The following GOLGA2 variants were observed in gnomAD, a reference collection of about 807,000 sequenced individuals.
GOLGA2 encodes golgin subfamily A member 2.
A neutral mutation model predicts 148.8 loss-of-function variants in GOLGA2; 49 were observed. The observed-to-expected ratio is 0.33, with a 90% CI of 0.26 to 0.42. The LOEUF is 0.42. Among genes scored for constraint, GOLGA2 ranks in the 10% least tolerant of loss-of-function variants. GOLGA2 has a pLI of 1.00. For missense variants in GOLGA2, 1,178 were observed against 1,304.6 expected, an observed-to-expected ratio of 0.90 and a Z score of 1.49; for synonymous variants, 501 against 511.8, an observed-to-expected ratio of 0.98 and a Z score of 0.28.
At chr9:128,262,174 G>A (rs1458616640) in intron 14 of GOLGA2, among the ~76,000 whole-genome samples, 2 of 146,192 alleles carry the variant, frequency 1.4e-5, no homozygotes, top group Non-Finnish European at 3.0e-5. Context: ...GTGATAGAGC[G>A]AGACCCCGTC....
In GOLGA2 at chr9:128,266,379, C is replaced by G; in HGVS notation, c.643-54G>C. 3 of 1,512,962 alleles carry G rather than the reference C, an allele frequency of 2.0e-6. No individual in the cohort carries two copies. The allele number at this position is 1,512,962 out of a possible 1,614,324, so 93.7% of individuals were successfully genotyped here. A position where few individuals can be genotyped will look rare whatever the true frequency, so the allele number is the denominator to read the frequency against. ...TGAGGGTGGCCCCCTCAACTCTATT[C>G]CCCAGACCAGGAACGGGTAGGCAGG... On this transcript the variant is annotated intron_variant, in intron 8 of 26. Coordinates refer to ENST00000611957, the MANE Select transcript of GOLGA2 (RefSeq NM_001366244.2). This position sits in a 1 kb window ranked among gnomAD's most constrained non-coding sequence, Gnocchi z 4.2.
chr9:128,258,292 G>T lies in GOLGA2; in HGVS notation c.2290-94C>A, dbSNP rs1304267046. The T allele has an allele frequency of 7.7e-6, 9 of 1,165,690 alleles. No individual in the cohort carries two copies. Among genetic ancestry groups the T allele is most frequent in the Non-Finnish European group, 1.1e-5 (9 of 804,874 alleles). 72.2% of individuals were successfully genotyped at this position (1,165,690 alleles called of 1,614,324 possible). A position where few individuals can be genotyped will look rare whatever the true frequency, so the allele number is the denominator to read the frequency against. On this transcript the variant is annotated intron_variant, in intron 22 of 26. Transcript: ENST00000611957. This position sits in a 1 kb window ranked among gnomAD's most constrained non-coding sequence, Gnocchi z 6.6. ...AGCCCTTCCCTTGGGGCCTCAGAGG[G>T]TGCACTTGTTGGTCCCAAGTGAAAT... is the stretch of plus-strand genomic sequence containing the variant.
In GOLGA2 at chr9:128,267,899, C is replaced by A. The variant is rs778054534; in HGVS notation, c.501+35G>T. The A allele has an allele frequency of 7.2e-6, 11 of 1,523,220 alleles. No individual in the cohort carries two copies. In the Admixed American group the frequency reaches 1.7e-4, roughly 23 times the overall value. 94.4% of individuals were successfully genotyped at this position (1,523,220 alleles called of 1,614,324 possible). On this transcript the variant is annotated intron_variant, in intron 6 of 26. Transcript: ENST00000611957. ...TCAGTTTCTATCATAGTTCCCTTCC[C>A]CCCACCCCGCTCTCGGCCTCAGTTC...
At position 128,258,942 on chromosome 9, in the gene GOLGA2, A is replaced by C; in HGVS notation, c.2173+65T>G. On this transcript the variant is annotated intron_variant, in intron 21 of 26. Transcript: ENST00000611957. The surrounding 1 kb of genome is among the most constrained non-coding windows in gnomAD (Gnocchi z 6.6). ...AGGTCTCTTCCAACTCCTCAATTCT[A>C]CGCTGCTAACAGTCCCCCCTTCTTC... The C allele has an allele frequency of 9.4e-7, 1 of 1,068,826 alleles. No homozygotes were observed. Among genetic ancestry groups the C allele is most frequent in the East Asian group, 2.4e-5 (1 of 42,532 alleles). 66.2% of individuals were successfully genotyped at this position (1,068,826 alleles called of 1,614,324 possible).
intron 12 of GOLGA2, among the ~76,000 whole-genome samples, chr9:128,263,762 C>T (rs1830421071): frequency 6.6e-6 from 1 of 151,852 alleles, no homozygotes; most frequent in African/African-American, 2.4e-5. Context: ...ACATGTTGGC[C>T]AGGCTGGTCT....
At position 128,257,527 on chromosome 9, in the gene GOLGA2, TGGAG is replaced by T. The variant is rs1564361550; in HGVS notation, c.2719-6_2719-3del. 2 of 1,614,100 alleles carry T rather than the reference TGGAG, an allele frequency of 1.2e-6. No individual in the cohort carries two copies. Among genetic ancestry groups the T allele is most frequent in the East Asian group, 2.2e-5 (1 of 44,888 alleles). On this transcript the variant is annotated splice_polypyrimidine_tract_variant and splice_region_variant and intron_variant, in intron 25 of 26. Transcript: ENST00000611957. The surrounding 1 kb of genome is among the most constrained non-coding windows in gnomAD (Gnocchi z 8.0). ...CTCCTGCAGCTCCAGCAGCTTCACC[TGGAG>T]GGAGGGGTGCTAAGCTGCCATGCCC... is the stretch of plus-strand genomic sequence containing the variant.
chr9:128,266,150 TG>T lies in GOLGA2; in HGVS notation c.682-131del. On this transcript the variant is annotated intron_variant, in intron 9 of 26. Transcript: ENST00000611957. The surrounding 1 kb of genome is among the most constrained non-coding windows in gnomAD (Gnocchi z 4.2). ...TGGGACCAGGTTATCAGGGACCCTG[TG>T]GGGATGGGGTGGAATCTGGGGGGGT... is the stretch of plus-strand genomic sequence containing the variant. 7.3e-7 allele frequency: 1 copy of T among 1,363,194 alleles called. No homozygotes were observed. The highest frequency in any genetic ancestry group is 1.1e-6 in the Non-Finnish European group (1 of 952,192). 84.4% of individuals were successfully genotyped at this position (1,363,194 alleles called of 1,614,324 possible). A position where few individuals can be genotyped will look rare whatever the true frequency, so the allele number is the denominator to read the frequency against.
At position 128,258,111 on chromosome 9, in the gene GOLGA2, G is replaced by T; in HGVS notation, c.2377C>A (p.Arg793=). The T allele has an allele frequency of 1.9e-6, 3 of 1,609,312 alleles. No homozygotes were observed. Among genetic ancestry groups the T allele is most frequent in the Non-Finnish European group, 1.7e-6 (2 of 1,179,546 alleles). The stretch of plus-strand genomic sequence containing the variant: ...GAGGCCAGCAGGTGAGCCAGGCGCC[G>T]GCAGCGCACCCTTTGCTCCTTCAGC... The part of the protein sequence containing the change: ...GQLKEQRVRC[R]RLAHLLASAQ... Residue 793 remains arginine, a synonymous_variant, in exon 23 of 27, where the codon CGG becomes AGG. Transcript: ENST00000611957. This position sits in a 1 kb window ranked among gnomAD's most constrained non-coding sequence, Gnocchi z 6.6.
rs747574825 is a variant in GOLGA2 at position 128,260,461 on chromosome 9, G to A, written c.1758+4C>T. On this transcript the variant is annotated splice_donor_region_variant and intron_variant, in intron 18 of 26. Transcript: ENST00000611957. This position sits in a 1 kb window ranked among gnomAD's most constrained non-coding sequence, Gnocchi z 4.8. ...GGGCGGGCTCTCCAGGTGGGGCAGC[G>A]CACCAGCTTTACAAATCCGCTCTGC... The A allele has an allele frequency of 2.2e-5, 36 of 1,604,540 alleles. No homozygotes were observed. Among genetic ancestry groups the A allele is most frequent in the Admixed American group, 1.2e-4 (7 of 59,820 alleles).
At position 128,261,572 on chromosome 9, in the gene GOLGA2, G is replaced by T; in HGVS notation, c.1225-11C>A. ...AACCGACTCCATTACCTGCAAGAAT[G>T]GCCACAGAAATGAGGAAGGACTGTC... On this transcript the variant is annotated splice_polypyrimidine_tract_variant and intron_variant, in intron 15 of 26. Transcript: ENST00000611957. The surrounding 1 kb of genome is among the most constrained non-coding windows in gnomAD (Gnocchi z 5.7). 6.4e-7 allele frequency: 1 copy of T among 1,563,162 alleles called. No homozygotes were observed. The highest frequency in any genetic ancestry group is 8.8e-7 in the Non-Finnish European group (1 of 1,133,490).
chr9:128,262,036 T>G, intron 14 of GOLGA2: 1 of 418,304 alleles, frequency 2.4e-6, no homozygotes, highest in East Asian at 4.8e-5. Context: ...AAGCCCCGTA[T>G]CTACAAATAC....
rs1564364162 is a variant in GOLGA2 at position 128,261,155 on chromosome 9, C to A, written c.1420+17G>T. The stretch of plus-strand genomic sequence containing the variant: ...TGACACCATTCCTGCTCCCAGGTCA[C>A]CCCAGCCCCAGCTTACCCATCTGGT... On this transcript the variant is annotated intron_variant, in intron 17 of 26. Transcript: ENST00000611957. The surrounding 1 kb of genome is among the most constrained non-coding windows in gnomAD (Gnocchi z 5.7). 1.9e-6 allele frequency: 3 copies of A among 1,574,472 alleles called. No individual in the cohort carries two copies. The highest frequency in any genetic ancestry group is 2.2e-5 in the East Asian group (1 of 44,706).
intron 12 of GOLGA2, among the ~76,000 whole-genome samples, chr9:128,264,554 G>C (rs1194629574): frequency 1.3e-5 from 2 of 152,082 alleles, no homozygotes; most frequent in African/African-American, 4.8e-5. Flanking sequence ...AGCCTCCCAA[G>C]TAGCTGCAAT....
rs757840295 is a variant in GOLGA2 at position 128,261,515 on chromosome 9, G to A, written c.1271C>T (p.Ala424Val). The stretch of plus-strand genomic sequence containing the variant: ...GGCGCTCTCTCCTTTGAGATTCTCC[G>A]CATATTTATCTCTCTCCATTTGTAG... ...RQLQMERDKY[A>V]ENLKGESAMW... The change falls in exon 16 of 27, where the codon GCG becomes GTG. Residue 424 changes from alanine (A) to valine (V), a missense_variant. Physicochemically the swap from Ala to Val is moderately conservative, Grantham distance 64. Transcript: ENST00000611957. The surrounding 1 kb of genome is among the most constrained non-coding windows in gnomAD (Gnocchi z 5.7). 1.9e-5 allele frequency: 30 copies of A among 1,610,808 alleles called. No individual in the cohort carries two copies. Among genetic ancestry groups the A allele is most frequent in the South Asian group, 2.2e-5 (2 of 91,022 alleles).
At chr9:128,274,151 A>T (rs987894002) in intron 1 of GOLGA2, among the ~76,000 whole-genome samples, 179 bp from the exon 2 acceptor site, 9 of 152,194 alleles carry the variant, frequency 5.9e-5, no homozygotes, top group Non-Finnish European at 1.0e-4. Context: ...GGCTTAAAAA[A>T]GGCAAGAATT....
intron 12 of GOLGA2, among the ~76,000 whole-genome samples, chr9:128,264,696 G>A (rs1333255121): frequency 6.6e-6 from 1 of 152,056 alleles, no homozygotes; most frequent in Non-Finnish European, 1.5e-5. Context: ...CCAAAGTGCT[G>A]GGATTACAGG....
chr9:128,258,527 C>CTCCTCCTCCTCA lies in GOLGA2; in HGVS notation c.2205_2216dup (p.Asp735_Glu738dup), dbSNP rs745903119. On this transcript the variant is annotated inframe_insertion, in exon 22 of 27. Coordinates refer to ENST00000611957, the MANE Select transcript of GOLGA2 (RefSeq NM_001366244.2). The surrounding 1 kb of genome is among the most constrained non-coding windows in gnomAD (Gnocchi z 6.6). ...GAGGTACTGCCACCGCCTCCTCCTC[C>CTCCTCCTCCTCA]TCCTCCTCCTCATCCTCCTCCTCCT... 61 of 1,593,460 alleles carry CTCCTCCTCCTCA rather than the reference C, an allele frequency of 3.8e-5. No homozygotes were observed. The South Asian group carries it at 6.0e-4, about 16-fold the overall frequency.
chr9:128,263,645 C>T (rs937665116), intron 12 of GOLGA2, among the ~76,000 whole-genome samples: 6 of 151,954 alleles, frequency 3.9e-5, no homozygotes, highest in Non-Finnish European at 7.4e-5. Context: ...GTCTCGATCT[C>T]CTGACCTTGT....
intron 2 of GOLGA2, among the ~76,000 whole-genome samples, chr9:128,273,433 C>G (rs1043057583): frequency 6.6e-6 from 1 of 152,124 alleles, no homozygotes; most frequent in African/African-American, 2.4e-5. Flanking sequence ...CCTCACCACA[C>G]CCTGGGGCCC....
Sources: allele counts gnomAD v4.1 joint callset (sites outside exome capture counted in the v4.1 genomes callset), GRCh38; gene constraint gnomAD v4.1.1; non-coding constraint Gnocchi (gnomAD v3.1); transcripts MANE v1.5; gene names NCBI Gene and HGNC (gene_info 2026-07-23, HGNC 2026-07-21).